SPHKAP: variants seen among roughly 807,000 people sequenced by gnomAD.
The protein encoded by SPHKAP is A-kinase anchor protein SPHKAP.
SPHKAP carries 67 observed loss-of-function variants against 137.5 expected under a neutral mutation model. The ratio of observed to expected loss-of-function variants is 0.49; its 90% CI spans 0.40 to 0.60. The LOEUF (loss-of-function observed/expected upper bound fraction) is 0.60, where lower values mean the gene tolerates loss of function less well. Among genes scored for constraint, SPHKAP ranks in the 20% least tolerant of loss-of-function variants. The probability of loss-of-function intolerance (pLI) is 0.00; values close to 1 mark genes in which losing one functional copy is unlikely to be tolerated. For synonymous variants in SPHKAP, 813 were observed against 785.3 expected (o/e 1.04, Z -0.59); for missense variants, 2,097 against 2,069.3 (o/e 1.01, Z -0.26).
chr2:228,089,031 G>A (rs1697631615), intron 3 of SPHKAP, among the ~76,000 whole-genome samples: 1 of 152,192 alleles, frequency 6.6e-6, no homozygotes, highest in Non-Finnish European at 1.5e-5. Flanking sequence ...TTGGAACTGG[G>A]TAATGGGAAC....
intron 2 of SPHKAP, among the ~76,000 whole-genome samples, chr2:228,112,079 C>A (rs997867363): frequency 1.3e-5 from 2 of 152,072 alleles, no homozygotes; most frequent in Non-Finnish European, 2.9e-5. Context: ...GGAAAGGATG[C>A]TTTTACACCT....
At chr2:228,167,616 G>T (rs1372700196) in intron 1 of SPHKAP, among the ~76,000 whole-genome samples, 1 of 152,048 alleles carries the variant, frequency 6.6e-6, no homozygotes, top group East Asian at 1.9e-4. Flanking sequence ...ATTCTTTAAT[G>T]CATTTTTCTA....
intron 11 of SPHKAP, among the ~76,000 whole-genome samples, chr2:227,983,449 G>A (rs1693081660): frequency 6.6e-6 from 1 of 152,156 alleles, no homozygotes; most frequent in Non-Finnish European, 1.5e-5. Flanking sequence ...GTTGTGAAAA[G>A]GGAGACAGAT....
intron 3 of SPHKAP, among the ~76,000 whole-genome samples, chr2:228,054,593 T>C (rs943128602): frequency 2.6e-5 from 4 of 152,116 alleles, no homozygotes; most frequent in Non-Finnish European, 4.4e-5. Context: ...CCAGGGAGAT[T>C]CATAAAATAC....
At chr2:228,092,356 T>G (rs1301201435) in intron 3 of SPHKAP, among the ~76,000 whole-genome samples, 1 of 142,050 alleles carries the variant, frequency 7.0e-6, no homozygotes, top group Non-Finnish European at 1.5e-5. Context: ...TGTATACATA[T>G]ATACACACAT....
chr2:228,014,300 A>G (rs1694486236), intron 7 of SPHKAP, among the ~76,000 whole-genome samples: 2 of 152,132 alleles, frequency 1.3e-5, no homozygotes, highest in Non-Finnish European at 2.9e-5. Flanking sequence ...AGGGTTTTCC[A>G]TTTTCTTGTA....
Position 228,062,768 on chromosome 2 carries a change from AAGAACCATAC to A in SPHKAP, c.247-35235_247-35226del, listed in dbSNP as rs1438119618. ...ATAATATTAGAAATAATCCATCATGAAGAACCATACAGGTATAAAGAAAAGAAACATAATG... is the reference window on the plus strand; with the variant it reads ...ATAATATTAGAAATAATCCATCATGAAGGTATAAAGAAAAGAAACATAATG... On this transcript the variant is annotated intron_variant, in intron 3 of 11. Transcript: ENST00000392056. Among the ~76,000 whole-genome samples, 4 of 152,366 alleles carry A rather than the reference AAGAACCATAC, an allele frequency of 2.6e-5. No individual in the cohort carries two copies. The East Asian group carries it at 7.7e-4, about 29-fold the overall frequency.
intron 1 of SPHKAP, among the ~76,000 whole-genome samples, chr2:228,152,443 C>A (rs1699964560): frequency 6.6e-6 from 1 of 152,020 alleles, no homozygotes; most frequent in South Asian, 2.1e-4. Flanking sequence ...TGCATGTTTT[C>A]TTTGGTTAGC....
intron 1 of SPHKAP, among the ~76,000 whole-genome samples, chr2:228,178,573 CTT>C (rs1199496503): frequency 6.6e-6 from 1 of 151,940 alleles, no homozygotes; most frequent in Non-Finnish European, 1.5e-5. Context: ...AATTTTGCGA[CTT>C]AGCAAATCAA....
intron 2 of SPHKAP, among the ~76,000 whole-genome samples, chr2:228,129,027 C>G (rs754416999): frequency 6.6e-6 from 1 of 152,138 alleles, no homozygotes; most frequent in South Asian, 2.1e-4. Context: ...GCTGCATTAA[C>G]CTCTAACAAG....
intron 5 of SPHKAP, 160 bp from the exon 6 acceptor site, chr2:228,022,126 A>C: frequency 2.0e-6 from 2 of 984,308 alleles, no homozygotes; most frequent in Non-Finnish European, 2.4e-6. Context: ...CTGCTTGAAA[A>C]AAATTCAAGT....
At chr2:228,093,859 CAAAAAAAAAAAAAAA>C (rs11336381) in intron 3 of SPHKAP, among the ~76,000 whole-genome samples, 2 of 77,112 alleles carry the variant, frequency 2.6e-5, no homozygotes, top group Admixed American at 1.9e-4. Context: ...GACTCCGTTT[CAAAAAAAAAAAAAAA>C]AAAAAAAAAA....
chr2:228,080,968 A>C (rs2106314900), intron 3 of SPHKAP, among the ~76,000 whole-genome samples: 1 of 152,258 alleles, frequency 6.6e-6, no homozygotes, highest in South Asian at 2.1e-4. Context: ...TAGAATTACC[A>C]TATAATCCAA....
chr2:228,154,919 A>G (rs1700064573), intron 1 of SPHKAP, among the ~76,000 whole-genome samples: 1 of 151,876 alleles, frequency 6.6e-6, no homozygotes, highest in Admixed American at 6.6e-5. Context: ...AACTCACCCA[A>G]GAAAACCATT....
intron 1 of SPHKAP, among the ~76,000 whole-genome samples, chr2:228,138,148 G>A (rs929830137): frequency 2.0e-5 from 3 of 152,036 alleles, no homozygotes; most frequent in East Asian, 1.9e-4. Flanking sequence ...TTCCTCATCC[G>A]CCCACTTTTG....
intron 2 of SPHKAP, among the ~76,000 whole-genome samples, chr2:228,109,897 G>A (rs1698463367): frequency 7.2e-6 from 1 of 139,762 alleles, no homozygotes; most frequent in South Asian, 2.2e-4. Context: ...AGTGGAGGTT[G>A]CAGTGAGCTG....
intron 3 of SPHKAP, among the ~76,000 whole-genome samples, chr2:228,106,402 T>G (rs1698347668): frequency 6.6e-6 from 1 of 152,106 alleles, no homozygotes; most frequent in African/African-American, 2.4e-5. Context: ...CCCCCCAGAG[T>G]TATGAACTGG....
chr2:228,046,291 C>CTTTTTATTTTTTT, intron 3 of SPHKAP, among the ~76,000 whole-genome samples: 1 of 82,528 alleles, frequency 1.2e-5, no homozygotes, highest in Non-Finnish European at 2.2e-5. Flanking sequence ...TGTTGTTATT[C>CTTTTTATTTTTTT]TTTTTTTTTT....
chr2:228,037,275 A>G (rs1439397336), intron 3 of SPHKAP, among the ~76,000 whole-genome samples: 1 of 152,160 alleles, frequency 6.6e-6, no homozygotes, highest in African/African-American at 2.4e-5. Context: ...GCCCACAAGG[A>G]GAAAATTTCT....
Sources: gnomAD v4.1 joint callset for allele counts (sites outside exome capture counted in the v4.1 genomes callset) on GRCh38, gnomAD v4.1.1 for gene constraint, MANE v1.5 for transcripts, NCBI Gene and HGNC (gene_info 2026-07-23, HGNC 2026-07-21) for gene names.